PLA2G4A: variants seen among roughly 807,000 people sequenced by gnomAD.
PLA2G4A encodes the protein phospholipase A2 group IVA.
In PLA2G4A, 40 loss-of-function variants were observed where a neutral mutation model predicts 81.9. The ratio of observed to expected loss-of-function variants is 0.49; its 90% CI spans 0.38 to 0.64. The LOEUF is 0.64. Ranked by LOEUF, PLA2G4A falls within the 30% of genes least tolerant of loss-of-function variation. The pLI is 0.00. For missense variants in PLA2G4A, 715 were observed against 905.1 expected (o/e 0.79, Z 2.69); for synonymous variants, 302 against 296.9 (o/e 1.02, Z -0.18).
chr1:186,832,718 A>G (rs576771884), intron 1 of PLA2G4A, among the ~76,000 whole-genome samples: 4 of 152,168 alleles, frequency 2.6e-5, no homozygotes, highest in Admixed American at 2.6e-4. Flanking sequence ...GATTTAAAAA[A>G]TTTTTCTCTT....
chr1:186,919,573 C>T lies in PLA2G4A; in HGVS notation c.558+8184C>T, dbSNP rs1655270119. Among the ~76,000 whole-genome samples the T allele has an allele frequency of 2.0e-5, 3 of 152,156 alleles. No individual in the cohort carries two copies. The South Asian group carries it at 6.2e-4, about 32-fold the overall frequency. Reference sequence around the variant, plus strand: ...GGAAATTTTTGTAGGTCTCAAGCCACGGCCTCCCTGAACATAGTAGGGGAG... The same window carrying T: ...GGAAATTTTTGTAGGTCTCAAGCCATGGCCTCCCTGAACATAGTAGGGGAG... On this transcript the variant is annotated intron_variant, in intron 7 of 17. Coordinates refer to ENST00000367466, the MANE Select transcript of PLA2G4A (RefSeq NM_024420.3).
At chr1:186,933,043 C>A in intron 8 of PLA2G4A, 144 bp downstream of exon 8, 1 of 679,604 alleles carries the variant, frequency 1.5e-6, no homozygotes, top group Non-Finnish European at 2.5e-6. Flanking sequence ...CCACAATCTG[C>A]TTTAAAAGAT....
chr1:186,850,566 AG>A (rs1318827539), intron 1 of PLA2G4A, among the ~76,000 whole-genome samples: 2 of 152,136 alleles, frequency 1.3e-5, no homozygotes, highest in African/African-American at 4.8e-5. Flanking sequence ...CAGACTAGGT[AG>A]ATAGTAAAGA....
intron 3 of PLA2G4A, among the ~76,000 whole-genome samples, chr1:186,877,277 C>G (rs1368545189): frequency 6.6e-6 from 1 of 151,940 alleles, no homozygotes; most frequent in Non-Finnish European, 1.5e-5. Flanking sequence ...AGATATAGAA[C>G]GAGTTGACGT....
chr1:186,984,567 A>T (rs1452491463), intron 17 of PLA2G4A, among the ~76,000 whole-genome samples: 1 of 152,206 alleles, frequency 6.6e-6, no homozygotes, highest in Non-Finnish European at 1.5e-5. Context: ...AAATACTGGT[A>T]CTCATTTCTT....
At chr1:186,913,184 T>G (rs758673858) in intron 7 of PLA2G4A, among the ~76,000 whole-genome samples, 2 of 151,982 alleles carry the variant, frequency 1.3e-5, no homozygotes, top group Non-Finnish European at 2.9e-5. Flanking sequence ...GTATTCTATA[T>G]TTCTCTATAA....
chr1:186,901,491 A>T (rs1245880989), intron 5 of PLA2G4A, among the ~76,000 whole-genome samples: 2 of 152,188 alleles, frequency 1.3e-5, no homozygotes, highest in Non-Finnish European at 2.9e-5. Flanking sequence ...GAATGAATAT[A>T]TGAATGCACT....
At chr1:186,890,180 A>G (rs1251029976) in intron 3 of PLA2G4A, among the ~76,000 whole-genome samples, 1 of 152,178 alleles carries the variant, frequency 6.6e-6, no homozygotes, top group African/African-American at 2.4e-5. Context: ...CACCTGTTAA[A>G]CGGGAAAGTC....
intron 7 of PLA2G4A, among the ~76,000 whole-genome samples, chr1:186,928,875 T>A (rs1446912491): frequency 1.3e-5 from 2 of 152,192 alleles, no homozygotes; most frequent in African/African-American, 4.8e-5. Context: ...ATCATTTATA[T>A]CTAAATACTG....
chr1:186,841,233 A>ATGAAAG (rs1395412762), intron 1 of PLA2G4A, among the ~76,000 whole-genome samples: 5 of 152,216 alleles, frequency 3.3e-5, no homozygotes, highest in Non-Finnish European at 7.3e-5. Flanking sequence ...ATTACAAAAG[A>ATGAAAG]TGAAAGTGAT....
intron 17 of PLA2G4A, among the ~76,000 whole-genome samples, chr1:186,987,826 G>A (rs1347365484): frequency 6.6e-6 from 1 of 152,130 alleles, no homozygotes; most frequent in Non-Finnish European, 1.5e-5. Flanking sequence ...ATAAAAAGTA[G>A]TAATTCATTT....
At chr1:186,888,827 T>C (rs2205898) in intron 3 of PLA2G4A, among the ~76,000 whole-genome samples, 97,029 of 146,228 alleles carry the variant, frequency 0.66, 32,657 homozygotes, top group Middle Eastern at 0.82. Flanking sequence ...TTGTTTTTTT[T>C]CTATTACTTC....
intron 10 of PLA2G4A, among the ~76,000 whole-genome samples, chr1:186,941,736 A>G (rs1656163219): frequency 6.6e-6 from 1 of 152,130 alleles, no homozygotes; most frequent in South Asian, 2.1e-4. Context: ...TTTCCTCACC[A>G]CAATATATTG....
At chr1:186,935,178 G>A (rs1655896330) in intron 8 of PLA2G4A, among the ~76,000 whole-genome samples, 1 of 151,940 alleles carries the variant, frequency 6.6e-6, no homozygotes, top group South Asian at 2.1e-4. Flanking sequence ...GCTTAGCAAA[G>A]GACTGGGTTT....
Position 186,854,345 on chromosome 1 carries a change from T to A in PLA2G4A, c.-10T>A. ...GAAGTGTGAAAACATTTCCTGTAATTGAAACCAAAATGTCATTTATAGATC... is the reference window on the plus strand; with the variant it reads ...GAAGTGTGAAAACATTTCCTGTAATAGAAACCAAAATGTCATTTATAGATC... On this transcript the variant is annotated 5_prime_UTR_variant, in exon 2 of 18. Coordinates refer to ENST00000367466, the MANE Select transcript of PLA2G4A (RefSeq NM_024420.3). 6.5e-7 allele frequency: 1 copy of A among 1,543,380 alleles called. No individual in the cohort carries two copies. Among genetic ancestry groups the A allele is most frequent in the Non-Finnish European group, 9.0e-7 (1 of 1,116,544 alleles).
At chr1:186,851,439 G>A (rs1318338192) in intron 1 of PLA2G4A, among the ~76,000 whole-genome samples, 1 of 151,972 alleles carries the variant, frequency 6.6e-6, no homozygotes, top group Admixed American at 6.6e-5. Context: ...TGAGGCAGGT[G>A]ATTTTATGTT....
chr1:186,844,645 G>A (rs1020213620), intron 1 of PLA2G4A, among the ~76,000 whole-genome samples: 3 of 152,152 alleles, frequency 2.0e-5, no homozygotes, highest in Admixed American at 2.0e-4. Flanking sequence ...TCCCTGTTGG[G>A]GGAGCAGGGA....
chr1:186,932,444 C>T lies in PLA2G4A; in HGVS notation c.559-319C>T, dbSNP rs527812469. 9.0e-4 allele frequency among the ~76,000 whole-genome samples: 137 copies of T among 151,824 alleles called. 1 individual carries two copies. The highest frequency in any genetic ancestry group is 2.1e-3 in the Admixed American group (32 of 15,246). ...CAAAGTAGCTCGGATTACAGGCACC[C>T]GCCAGCACACCCAGCTACTTTTTAT... is the stretch of plus-strand genomic sequence containing the variant. On this transcript the variant is annotated intron_variant, in intron 7 of 17. Coordinates refer to ENST00000367466, the MANE Select transcript of PLA2G4A (RefSeq NM_024420.3).
At chr1:186,964,420 C>G (rs1332626940) in intron 14 of PLA2G4A, among the ~76,000 whole-genome samples, 2 of 152,154 alleles carry the variant, frequency 1.3e-5, no homozygotes, top group African/African-American at 4.8e-5. Flanking sequence ...CCCTTGCCAT[C>G]TCATCTGTTC....
Sources: gnomAD v4.1 joint callset for allele counts (sites outside exome capture counted in the v4.1 genomes callset) on GRCh38, gnomAD v4.1.1 for gene constraint, MANE v1.5 for transcripts, NCBI Gene and HGNC (gene_info 2026-07-23, HGNC 2026-07-21) for gene names.